Variants in LHFPL6 observed in about 807,000 individuals in gnomAD.
LHFPL6 encodes LHFPL tetraspan subfamily member 6, also known as LHFPL tetraspan subfamily member 6 protein.
In LHFPL6, 9 loss-of-function variants were observed where a neutral mutation model predicts 20.6. The ratio of observed to expected loss-of-function variants is 0.44; its 90% CI spans 0.26 to 0.76. LHFPL6 has a LOEUF of 0.76. Ranked by LOEUF, LHFPL6 falls within the 30% of genes least tolerant of loss-of-function variation. The pLI is 0.20. For synonymous variants in LHFPL6, 105 were observed against 98.7 expected (o/e 1.06, Z -0.38); for missense variants, 218 against 253.5 (o/e 0.86, Z 0.95).
chr13:39,559,668 A>G (rs1297662405), intron 2 of LHFPL6, among the ~76,000 whole-genome samples: 1 of 152,198 alleles, frequency 6.6e-6, no homozygotes, highest in Non-Finnish European at 1.5e-5. Context: ...CAAGAAGCTC[A>G]AATCTAGAAG....
At chr13:39,530,696 C>A (rs905604195) in intron 2 of LHFPL6, among the ~76,000 whole-genome samples, 2 of 152,020 alleles carry the variant, frequency 1.3e-5, no homozygotes, top group East Asian at 3.9e-4. Flanking sequence ...TACAAAATGT[C>A]TTTTACATTA....
At chr13:39,434,848 A>C (rs1871911567) in intron 2 of LHFPL6, among the ~76,000 whole-genome samples, 1 of 151,942 alleles carries the variant, frequency 6.6e-6, no homozygotes, top group Non-Finnish European at 1.5e-5. Context: ...TGAGGTCAGG[A>C]GATTGAGACC....
intron 2 of LHFPL6, among the ~76,000 whole-genome samples, chr13:39,528,139 T>C (rs998913931): frequency 6.6e-6 from 1 of 152,164 alleles, no homozygotes; most frequent in East Asian, 1.9e-4. Context: ...CTATGATTCA[T>C]GCCAGCTCAA....
intron 2 of LHFPL6, 115 bp downstream of exon 2, chr13:39,600,717 T>G: frequency 9.0e-7 from 1 of 1,109,086 alleles, no homozygotes; most frequent in Non-Finnish European, 1.2e-6. Context: ...TCCAAATCTA[T>G]TTCTCTTATG....
intron 3 of LHFPL6, among the ~76,000 whole-genome samples, chr13:39,351,510 T>C (rs1283817155): frequency 3.3e-5 from 5 of 152,208 alleles, no homozygotes; most frequent in Admixed American, 2.0e-4. Context: ...AGTACTTGTC[T>C]TGGCACTTAT....
In LHFPL6 at chr13:39,562,415, C is replaced by CATATATAT. The variant is rs57863254; in HGVS notation, c.385+38416_385+38417insATATATAT. Among the ~76,000 whole-genome samples the CATATATAT allele has an allele frequency of 2.3e-3, 125 of 54,680 alleles. 2 individuals are homozygous for CATATATAT. The highest frequency in any genetic ancestry group is 7.0e-3 in the African/African-American group (115 of 16,498). The allele number at this position is 54,680 out of a possible 152,430, so 35.9% of individuals were successfully genotyped here. A position where few individuals can be genotyped will look rare whatever the true frequency, so the allele number is the denominator to read the frequency against. The stretch of plus-strand genomic sequence containing the variant: ...ATATATATACATATATACACATATA[C>CATATATAT]ACATATACATATATACATATATACA... On this transcript the variant is annotated intron_variant, in intron 2 of 3. Transcript: ENST00000379589.
intron 2 of LHFPL6, among the ~76,000 whole-genome samples, chr13:39,541,562 A>G (rs1455738437): frequency 1.3e-5 from 2 of 152,104 alleles, no homozygotes; most frequent in South Asian, 2.1e-4. Flanking sequence ...GGACCCAACT[A>G]AAGTCCAGTG....
chr13:39,526,221 A>G (rs944008987), intron 2 of LHFPL6, among the ~76,000 whole-genome samples: 4 of 152,328 alleles, frequency 2.6e-5, no homozygotes, highest in Admixed American at 2.0e-4. Context: ...TGGTACAGGG[A>G]TTAGCATACA....
At chr13:39,555,832 C>A (rs906086226) in intron 2 of LHFPL6, among the ~76,000 whole-genome samples, 2 of 152,150 alleles carry the variant, frequency 1.3e-5, no homozygotes, top group Non-Finnish European at 2.9e-5. Flanking sequence ...CTGTCCCCTC[C>A]AAATCTCATG....
intron 2 of LHFPL6, among the ~76,000 whole-genome samples, chr13:39,541,666 C>A (rs1374829825): frequency 6.6e-6 from 1 of 152,198 alleles, no homozygotes. Flanking sequence ...TTAGCCCTTT[C>A]TTTTTCTATG....
At chr13:39,599,924 C>T (rs1872880339) in intron 2 of LHFPL6, among the ~76,000 whole-genome samples, 1 of 152,132 alleles carries the variant, frequency 6.6e-6, no homozygotes. Context: ...ATAAGTTTTC[C>T]AGGCTTCCTA....
At chr13:39,594,526 A>T (rs1312719975) in intron 2 of LHFPL6, among the ~76,000 whole-genome samples, 1 of 152,246 alleles carries the variant, frequency 6.6e-6, no homozygotes, top group East Asian at 1.9e-4. Flanking sequence ...GTGGGACTGT[A>T]AACTAGTTCA....
chr13:39,409,602 C>CTTA (rs1871204090), intron 2 of LHFPL6, among the ~76,000 whole-genome samples: 1 of 152,210 alleles, frequency 6.6e-6, no homozygotes, highest in African/African-American at 2.4e-5. Context: ...CCAAGCTGTA[C>CTTA]TTATTGATTC....
At chr13:39,495,603 CTT>C (rs57730616) in intron 2 of LHFPL6, among the ~76,000 whole-genome samples, 35 of 142,004 alleles carry the variant, frequency 2.5e-4, no homozygotes, top group Admixed American at 3.5e-4. Flanking sequence ...CCATACTAGG[CTT>C]TTTTTTTTTT....
intron 2 of LHFPL6, among the ~76,000 whole-genome samples, chr13:39,508,425 T>C (rs1353018160): frequency 6.6e-6 from 1 of 151,660 alleles, no homozygotes; most frequent in Non-Finnish European, 1.5e-5. Context: ...AGATAATAAG[T>C]ATATCTATTA....
chr13:39,459,203 T>C (rs1872637545), intron 2 of LHFPL6, among the ~76,000 whole-genome samples: 1 of 101,622 alleles, frequency 9.8e-6, no homozygotes, highest in African/African-American at 4.3e-5. Flanking sequence ...AATGTGTGTG[T>C]GTGTGTGTGT....
intron 2 of LHFPL6, among the ~76,000 whole-genome samples, chr13:39,580,244 C>T (rs17060318): frequency 0.027 from 4,035 of 151,448 alleles, 113 homozygotes; most frequent in African/African-American, 0.067. Context: ...TTTAAAATGC[C>T]ATCAGAAGTA....
chr13:39,423,211 A>C (rs766185672), intron 2 of LHFPL6, among the ~76,000 whole-genome samples: 1 of 152,170 alleles, frequency 6.6e-6, no homozygotes, highest in Non-Finnish European at 1.5e-5. Context: ...AGATTATCTA[A>C]GACATTACAC....
chr13:39,557,661 T>G (rs7324842), intron 2 of LHFPL6, among the ~76,000 whole-genome samples: 81,159 of 152,138 alleles, frequency 0.53, 23,425 homozygotes, highest in African/African-American at 0.76. Flanking sequence ...AGAAAGATAT[T>G]GTTTGGATAT....
Sources: gnomAD v4.1 joint callset for allele counts (sites outside exome capture counted in the v4.1 genomes callset) on GRCh38, gnomAD v4.1.1 for gene constraint, MANE v1.5 for transcripts, NCBI Gene and HGNC (gene_info 2026-07-23, HGNC 2026-07-21) for gene names.